The following CRIM1 variants were observed in gnomAD, a reference collection of about 807,000 sequenced individuals.
The protein encoded by CRIM1 is cysteine rich transmembrane BMP regulator 1, also known as cysteine-rich motor neuron 1 protein.
CRIM1 carries 32 observed loss-of-function variants against 116.4 expected under a neutral mutation model. The ratio of observed to expected loss-of-function variants is 0.27; its 90% CI spans 0.21 to 0.37. The LOEUF (loss-of-function observed/expected upper bound fraction) is 0.37, where lower values mean the gene tolerates loss of function less well. Among genes scored for constraint, CRIM1 ranks in the 10% least tolerant of loss-of-function variants. The probability of loss-of-function intolerance (pLI) is 1.00; values close to 1 mark genes in which losing one functional copy is unlikely to be tolerated. For missense variants in CRIM1, 1,331 were observed against 1,354.8 expected (o/e 0.98, Z 0.28); for synonymous variants, 590 against 509.2 (o/e 1.16, Z -2.13).
At chr2:36,537,258 G>A (rs1179207968) in intron 13 of CRIM1, 94 bp from the exon 14 acceptor site, 2 of 1,177,846 alleles carry the variant, frequency 1.7e-6, no homozygotes, top group Middle Eastern at 2.4e-4. Context: ...AGCATACTGT[G>A]ATTATACAAA....
In CRIM1 at chr2:36,550,046, T is replaced by G. The variant is rs1242749515; in HGVS notation, c.*1345T>G. ...ATGTGTGTGTGAGAGTATGTATGTG[T>G]GTGTGTGTGTGTGTGTGTGTGCGCG... On this transcript the variant is annotated 3_prime_UTR_variant, in exon 17 of 17. Transcript: ENST00000280527. The G allele has an allele frequency of 7.2e-6, 1 of 138,818 alleles. No individual in the cohort carries two copies. The highest frequency in any genetic ancestry group is 1.5e-5 in the Non-Finnish European group (1 of 65,480). The allele number at this position is 138,818 out of a possible 1,614,324, so 8.6% of individuals were successfully genotyped here. A position where few individuals can be genotyped will look rare whatever the true frequency, so the allele number is the denominator to read the frequency against.
chr2:36,393,281 T>A (rs1411184349), intron 1 of CRIM1, among the ~76,000 whole-genome samples: 1 of 152,178 alleles, frequency 6.6e-6, no homozygotes, highest in Non-Finnish European at 1.5e-5. Context: ...CCTCATACAG[T>A]GCTGTAATGA....
rs1674642752 is a variant in CRIM1 at position 36,428,676 on chromosome 2, C to A, written c.506-12582C>A. On this transcript the variant is annotated intron_variant, in intron 2 of 16. Coordinates refer to ENST00000280527, the MANE Select transcript of CRIM1 (RefSeq NM_016441.3). Reference sequence around the variant, plus strand: ...TGAGTAAGAATCTTCTATCTTGTAACAAATAGATGTAGAGCTTTGGTAAGA... The same window carrying A: ...TGAGTAAGAATCTTCTATCTTGTAAAAAATAGATGTAGAGCTTTGGTAAGA... Among the ~76,000 whole-genome samples, 3 of 152,288 alleles carry A rather than the reference C, an allele frequency of 2.0e-5. No homozygotes were observed. The South Asian group carries it at 6.2e-4, about 32-fold the overall frequency.
At chr2:36,470,227 T>C (rs935639359) in intron 5 of CRIM1, among the ~76,000 whole-genome samples, 2 of 152,228 alleles carry the variant, frequency 1.3e-5, no homozygotes, top group Non-Finnish European at 2.9e-5. Context: ...ATAGTCCTTC[T>C]CTTTTCACTT....
intron 1 of CRIM1, among the ~76,000 whole-genome samples, chr2:36,392,372 G>T (rs1671682404): frequency 6.6e-6 from 1 of 152,052 alleles, no homozygotes; most frequent in African/African-American, 2.4e-5. Flanking sequence ...CAGGCTAGGA[G>T]ACTACATCTT....
chr2:36,544,104 AAACC>A (rs1250531913), intron 14 of CRIM1, among the ~76,000 whole-genome samples: 9 of 152,224 alleles, frequency 5.9e-5, no homozygotes, highest in African/African-American at 1.9e-4. Flanking sequence ...TAAAATTATA[AAACC>A]AACACCATTT....
chr2:36,398,463 A>G (rs929242607), intron 2 of CRIM1, among the ~76,000 whole-genome samples: 19 of 152,360 alleles, frequency 1.2e-4, no homozygotes, highest in African/African-American at 4.1e-4. Flanking sequence ...GCGTGTATTT[A>G]TGATCTTTGC....
At chr2:36,547,879 G>A (rs1353306015) in intron 16 of CRIM1, among the ~76,000 whole-genome samples, 2 of 152,140 alleles carry the variant, frequency 1.3e-5, no homozygotes, top group Non-Finnish European at 2.9e-5. Flanking sequence ...CCTTGAGTTG[G>A]TTTATTTTAA....
chr2:36,382,869 GATC>G (rs1457403486), intron 1 of CRIM1, among the ~76,000 whole-genome samples: 6 of 152,238 alleles, frequency 3.9e-5, no homozygotes, highest in Non-Finnish European at 5.9e-5. Context: ...GAAACTTGGT[GATC>G]ATTATTGTTC....
intron 1 of CRIM1, among the ~76,000 whole-genome samples, chr2:36,376,270 C>G (rs1670310874): frequency 6.6e-6 from 1 of 152,068 alleles, no homozygotes; most frequent in South Asian, 2.1e-4. Context: ...AGCTTCTTAA[C>G]CAATGTGATT....
chr2:36,382,229 G>T (rs1426241603), intron 1 of CRIM1, among the ~76,000 whole-genome samples: 1 of 152,198 alleles, frequency 6.6e-6, no homozygotes, highest in Non-Finnish European at 1.5e-5. Flanking sequence ...GCGCGTGTTG[G>T]CAAGCCAGCT....
intron 3 of CRIM1, among the ~76,000 whole-genome samples, chr2:36,441,755 A>G (rs879173630): frequency 1.3e-5 from 2 of 151,974 alleles, no homozygotes; most frequent in Admixed American, 6.6e-5. Flanking sequence ...TTTTTCCTTC[A>G]AAGTATGCTT....
chr2:36,405,416 C>G (rs973540218), intron 2 of CRIM1, among the ~76,000 whole-genome samples: 2 of 152,166 alleles, frequency 1.3e-5, no homozygotes, highest in Non-Finnish European at 2.9e-5. Context: ...ACCCGCTGTC[C>G]CATACGGAGC....
intron 1 of CRIM1, among the ~76,000 whole-genome samples, chr2:36,370,587 A>G (rs1669878511): frequency 6.6e-6 from 1 of 152,218 alleles, no homozygotes; most frequent in South Asian, 2.1e-4. Context: ...ACATAATTAC[A>G]GCTATGTTTG....
At chr2:36,490,845 C>G (rs1417797663) in intron 7 of CRIM1, among the ~76,000 whole-genome samples, 1 of 152,214 alleles carries the variant, frequency 6.6e-6, no homozygotes, top group Non-Finnish European at 1.5e-5. Flanking sequence ...ACCATTGGCA[C>G]TTAAGTCCCC....
intron 14 of CRIM1, among the ~76,000 whole-genome samples, chr2:36,538,030 C>G (rs1221012957): frequency 6.6e-6 from 1 of 152,206 alleles, no homozygotes; most frequent in Admixed American, 6.5e-5. Context: ...CCCATACCAT[C>G]CACGCAGCCT....
intron 2 of CRIM1, among the ~76,000 whole-genome samples, chr2:36,408,386 G>GT (rs1388834477): frequency 2.6e-5 from 4 of 152,220 alleles, no homozygotes; most frequent in African/African-American, 9.7e-5. Flanking sequence ...CGTGTGCTCT[G>GT]TAACACAGAG....
At chr2:36,461,886 A>G (rs1201416742) in intron 4 of CRIM1, among the ~76,000 whole-genome samples, 9 of 152,228 alleles carry the variant, frequency 5.9e-5, no homozygotes. Flanking sequence ...TACCCAATAG[A>G]TATCTGACCT....
At chr2:36,403,821 CTG>C (rs1672591543) in intron 2 of CRIM1, among the ~76,000 whole-genome samples, 1 of 151,958 alleles carries the variant, frequency 6.6e-6, no homozygotes, top group Admixed American at 6.6e-5. Context: ...GGTAGGTACT[CTG>C]TTTGGTTATG....
Sources: gnomAD v4.1 joint callset for allele counts (sites outside exome capture counted in the v4.1 genomes callset) on GRCh38, gnomAD v4.1.1 for gene constraint, MANE v1.5 for transcripts, NCBI Gene and HGNC (gene_info 2026-07-23, HGNC 2026-07-21) for gene names.